The following SPATA18 variants were observed in gnomAD, a reference collection of about 807,000 sequenced individuals.
SPATA18 encodes the protein spermatogenesis associated 18, also known as mitochondria-eating protein.
Under a neutral mutation model 68.1 loss-of-function variants are expected in SPATA18, and 54 were observed. The ratio of observed to expected loss-of-function variants is 0.79; its 90% CI spans 0.64 to 0.99. The LOEUF (loss-of-function observed/expected upper bound fraction) is 0.99, where lower values mean the gene tolerates loss of function less well. Among genes scored for constraint, SPATA18 ranks in the 50% least tolerant of loss-of-function variants. The pLI is 0.00. For synonymous variants in SPATA18, 242 were observed against 244.8 expected, an observed-to-expected ratio of 0.99 and a Z score of 0.11; for missense variants, 724 against 681.1, an observed-to-expected ratio of 1.06 and a Z score of -0.70.
intron 4 of SPATA18, among the ~76,000 whole-genome samples, chr4:52,066,808 T>C (rs1162931643): frequency 6.6e-6 from 1 of 152,232 alleles, no homozygotes. Flanking sequence ...TCTAGCTTCA[T>C]CCATCTCCAT....
intron 11 of SPATA18, among the ~76,000 whole-genome samples, chr4:52,092,905 A>G (rs1028031157): frequency 2.6e-5 from 4 of 152,210 alleles, no homozygotes; most frequent in Admixed American, 2.6e-4. Context: ...ACAGAAAACC[A>G]AATACCTTTC....
intron 1 of SPATA18, among the ~76,000 whole-genome samples, chr4:52,057,710 T>C (rs1239394260): frequency 6.6e-6 from 1 of 152,226 alleles, no homozygotes; most frequent in Non-Finnish European, 1.5e-5. Flanking sequence ...AGCTGATAAG[T>C]TGAGAACCAG....
chr4:52,095,447 C>T lies in SPATA18; in HGVS notation c.*560C>T, dbSNP rs1742344904. The T allele has an allele frequency of 1.3e-5, 2 of 152,350 alleles. No homozygotes were observed. The highest frequency in any genetic ancestry group is 1.3e-4 in the Admixed American group (2 of 15,290). The allele number at this position is 152,350 out of a possible 1,614,324, so 9.4% of individuals were successfully genotyped here. A position where few individuals can be genotyped will look rare whatever the true frequency, so the allele number is the denominator to read the frequency against. ...TAAGTGTAGAAGATAATTTAAGATACATTTTCTTTATATATTAGCCAACAA... is the reference window on the plus strand; with the variant it reads ...TAAGTGTAGAAGATAATTTAAGATATATTTTCTTTATATATTAGCCAACAA... On this transcript the variant is annotated 3_prime_UTR_variant, in exon 13 of 13. Transcript: ENST00000295213.
chr4:52,082,695 C>T (rs1741053522), intron 10 of SPATA18, 185 bp downstream of exon 10: 1 of 1,445,792 alleles, frequency 6.9e-7, no homozygotes, highest in East Asian at 2.6e-5. Flanking sequence ...CATAATTCTG[C>T]ATAATTTCCT....
chr4:52,069,994 G>T, intron 5 of SPATA18, 78 bp downstream of exon 5: 1 of 814,716 alleles, frequency 1.2e-6, no homozygotes, highest in Non-Finnish European at 1.8e-6. Context: ...CAACATGAAA[G>T]AATCTGTTCA....
chr4:52,086,346 G>T (rs1276362220), intron 11 of SPATA18, among the ~76,000 whole-genome samples: 1 of 152,126 alleles, frequency 6.6e-6, no homozygotes, highest in Non-Finnish European at 1.5e-5. Flanking sequence ...TGCCCTGGTG[G>T]TTTGATGCAC....
chr4:52,058,175 C>T (rs924422600), intron 1 of SPATA18, among the ~76,000 whole-genome samples: 1 of 152,248 alleles, frequency 6.6e-6, no homozygotes, highest in Non-Finnish European at 1.5e-5. Context: ...ATCATGTCAA[C>T]ATTACACTGT....
At chr4:52,066,705 C>A (rs1250127353) in intron 4 of SPATA18, among the ~76,000 whole-genome samples, 1 of 152,074 alleles carries the variant, frequency 6.6e-6, no homozygotes, top group African/African-American at 2.4e-5. Context: ...CTCCCTGTGT[C>A]CCTGTGTTCC....
At chr4:52,083,720 G>C (rs1285712028) in intron 10 of SPATA18, among the ~76,000 whole-genome samples, 1 of 151,672 alleles carries the variant, frequency 6.6e-6, no homozygotes, top group Non-Finnish European at 1.5e-5. Flanking sequence ...CTCCAGCCTG[G>C]ATGACAGAGT....
intron 11 of SPATA18, among the ~76,000 whole-genome samples, chr4:52,089,144 T>C (rs1379908617): frequency 1.3e-5 from 2 of 152,214 alleles, no homozygotes; most frequent in Admixed American, 1.3e-4. Context: ...CTTATCATTT[T>C]TTATTGTGTC....
chr4:52,091,270 G>A (rs117513818), intron 11 of SPATA18, among the ~76,000 whole-genome samples: 2,446 of 151,898 alleles, frequency 0.016, 49 homozygotes, highest in Admixed American at 0.048. Flanking sequence ...TATTACCATC[G>A]TTCTGAAGCC....
chr4:52,058,354 C>T (rs1738534371), intron 1 of SPATA18, among the ~76,000 whole-genome samples: 1 of 152,028 alleles, frequency 6.6e-6, no homozygotes, highest in Non-Finnish European at 1.5e-5. Flanking sequence ...CAGGAGAAAT[C>T]AATGCTACAA....
intron 4 of SPATA18, among the ~76,000 whole-genome samples, chr4:52,068,540 G>T (rs984711728): frequency 1.3e-5 from 2 of 152,224 alleles, no homozygotes; most frequent in African/African-American, 4.8e-5. Context: ...TTTATTAGAG[G>T]AGGAAGCAGG....
chr4:52,076,470 G>A (rs1740351272), intron 6 of SPATA18, among the ~76,000 whole-genome samples: 1 of 152,160 alleles, frequency 6.6e-6, no homozygotes, highest in Non-Finnish European at 1.5e-5. Flanking sequence ...AGGCCAATTT[G>A]ATGTATTAGG....
intron 1 of SPATA18, among the ~76,000 whole-genome samples, chr4:52,059,997 C>T (rs1164032815): frequency 6.6e-6 from 1 of 152,214 alleles, no homozygotes; most frequent in Non-Finnish European, 1.5e-5. Context: ...CCAACTTTCT[C>T]AACCATGTGA....
At chr4:52,082,338 G>T in intron 9 of SPATA18, 49 bp from the exon 10 acceptor site, 2 of 1,543,988 alleles carry the variant, frequency 1.3e-6, no homozygotes, top group Non-Finnish European at 1.8e-6. Context: ...CCCTAGATAT[G>T]CTCCATAATT....
At chr4:52,094,791 C>G in intron 12 of SPATA18, 89 bp from the exon 13 acceptor site, 2 of 1,556,748 alleles carry the variant, frequency 1.3e-6, no homozygotes, top group Non-Finnish European at 1.8e-6. Context: ...TGCCATAAAC[C>G]TAGATTAACC....
chr4:52,085,056 T>G, intron 11 of SPATA18, 57 bp downstream of exon 11: 1 of 1,448,830 alleles, frequency 6.9e-7, no homozygotes, highest in Non-Finnish European at 9.5e-7. Context: ...GCTTTTTTTT[T>G]TTTTTGCTTC....
In SPATA18 at chr4:52,071,917, G is replaced by A. The variant is rs749662071; in HGVS notation, c.519G>A (p.Gln173=). 1.2e-6 allele frequency: 2 copies of A among 1,612,686 alleles called. No individual in the cohort carries two copies. Among genetic ancestry groups the A allele is most frequent in the Non-Finnish European group, 1.7e-6 (2 of 1,179,880 alleles). Residue 173 remains glutamine (Q), a splice_region_variant and synonymous_variant, in exon 6 of 13, where the codon CAG becomes CAA. Coordinates refer to ENST00000295213, the MANE Select transcript of SPATA18 (RefSeq NM_145263.4). ...TCTGCCCTCTCTCTTTGCTGTTCAGGCTTAAATCTCTTCAAGCTCAGGAGG... is the reference window on the plus strand; with the variant it reads ...TCTGCCCTCTCTCTTTGCTGTTCAGACTTAAATCTCTTCAAGCTCAGGAGG... The part of the protein sequence containing the change: ...AEEEINQLKK[Q]LKSLQAQEDA...
Sources: gnomAD v4.1 joint callset for allele counts (sites outside exome capture counted in the v4.1 genomes callset) on GRCh38, gnomAD v4.1.1 for gene constraint, MANE v1.5 for transcripts, NCBI Gene and HGNC (gene_info 2026-07-23, HGNC 2026-07-21) for gene names.